Variants in ANKRD11 observed in about 807,000 individuals in gnomAD.
ANKRD11 encodes ankyrin repeat domain 11, also known as ankyrin repeat domain-containing protein 11.
In ANKRD11, 17 loss-of-function variants were observed where a neutral mutation model predicts 195.7. The ratio of observed to expected loss-of-function variants is 0.09; its 90% confidence interval spans 0.06 to 0.13. The LOEUF (loss-of-function observed/expected upper bound fraction) is 0.13. ANKRD11 is among the 10% of genes least tolerant of loss of function. The pLI is 1.00. For missense variants in ANKRD11, 3,735 were observed against 3,566.1 expected, an observed-to-expected ratio of 1.05 and a Z score of -1.21; for synonymous variants, 1,953 against 1,528.1, an observed-to-expected ratio of 1.28 and a Z score of -6.49.
intron 2 of ANKRD11, among the ~76,000 whole-genome samples, chr16:89,359,983 G>A (rs559949673): frequency 5.1e-4 from 78 of 152,110 alleles, no homozygotes; most frequent in African/African-American, 1.8e-3. Context: ...GGGGGAGGTT[G>A]TACGTGTTAT....
At chr16:89,465,773 C>T (rs2056859802) in intron 1 of ANKRD11, among the ~76,000 whole-genome samples, 1 of 152,128 alleles carries the variant, frequency 6.6e-6, no homozygotes, top group Non-Finnish European at 1.5e-5. Context: ...TGCAGTGACA[C>T]GATCTCAGCT....
intron 1 of ANKRD11, among the ~76,000 whole-genome samples, chr16:89,440,623 G>C (rs1055289911): frequency 3.3e-5 from 5 of 152,096 alleles, no homozygotes; most frequent in African/African-American, 1.2e-4. Context: ...CAAAAGGAGG[G>C]GGAGGAGGAG....
chr16:89,409,892 T>G (rs2042048582), intron 2 of ANKRD11, among the ~76,000 whole-genome samples: 1 of 150,458 alleles, frequency 6.6e-6, no homozygotes, highest in Non-Finnish European at 1.5e-5. Context: ...CAGGCTGGAG[T>G]GTAGTGGCAC....
chr16:89,335,014 G>A (rs1235711132), intron 2 of ANKRD11, among the ~76,000 whole-genome samples: 8 of 152,142 alleles, frequency 5.3e-5, no homozygotes, highest in African/African-American at 7.2e-5. Context: ...GAGCTCTATC[G>A]TATGTGCACC....
intron 3 of ANKRD11, 84 bp downstream of exon 3, chr16:89,316,849 G>A: frequency 1.3e-6 from 2 of 1,509,230 alleles, no homozygotes; most frequent in South Asian, 2.4e-5. Context: ...GCGGAGAACA[G>A]GCCACAGGCG....
intron 2 of ANKRD11, among the ~76,000 whole-genome samples, chr16:89,407,299 CG>C (rs1023401167): frequency 1.3e-5 from 2 of 151,190 alleles, no homozygotes; most frequent in Non-Finnish European, 2.9e-5. Context: ...ATAAGGAACA[CG>C]GGGGGAAAAA....
At chr16:89,479,282 A>C (rs2057360775) in intron 1 of ANKRD11, among the ~76,000 whole-genome samples, 1 of 152,040 alleles carries the variant, frequency 6.6e-6, no homozygotes, top group Non-Finnish European at 1.5e-5. Flanking sequence ...AAGGAAAAAA[A>C]AAACACTAAT....
intron 1 of ANKRD11, among the ~76,000 whole-genome samples, chr16:89,475,146 G>A (rs1258233597): frequency 1.3e-5 from 2 of 152,208 alleles, no homozygotes; most frequent in African/African-American, 4.8e-5. Context: ...AGAAAGGCTG[G>A]GGAGCTCTTG....
At chr16:89,428,415 G>A (rs183074942) in intron 1 of ANKRD11, among the ~76,000 whole-genome samples, 251 of 151,200 alleles carry the variant, frequency 1.7e-3, no homozygotes, top group African/African-American at 5.2e-3. Context: ...AGTCCCAGCT[G>A]CTGGGGAAGC....
Position 89,282,099 on chromosome 16 carries a change from C to G in ANKRD11, c.4443G>C (p.Ala1481=). 1 of 1,613,976 alleles carries G rather than the reference C, an allele frequency of 6.2e-7. No homozygotes were observed. The highest frequency in any genetic ancestry group is 8.5e-7 in the Non-Finnish European group (1 of 1,179,966). Residue 1481 remains alanine (A), a synonymous_variant, in exon 9 of 13, where the codon GCG becomes GCC. Coordinates refer to ENST00000301030, the MANE Select transcript of ANKRD11 (RefSeq NM_013275.6). ...DEKERHRDRH[A]DGLLRHHRDE... ...CCCTGTGATGCCGCAGCAGCCCATCCGCATGCCTGTCCCGGTGCCTCTCCT... is the reference window on the plus strand; with the variant it reads ...CCCTGTGATGCCGCAGCAGCCCATCGGCATGCCTGTCCCGGTGCCTCTCCT...
chr16:89,410,071 C>T (rs2042055532), intron 2 of ANKRD11, among the ~76,000 whole-genome samples: 1 of 152,164 alleles, frequency 6.6e-6, no homozygotes, highest in Non-Finnish European at 1.5e-5. Flanking sequence ...GATCTCCTGA[C>T]CTCGTGATCC....
intron 1 of ANKRD11, among the ~76,000 whole-genome samples, chr16:89,454,161 G>C (rs575926680): frequency 1.4e-4 from 22 of 152,084 alleles, no homozygotes; most frequent in African/African-American, 4.4e-4. Context: ...CCAACACAAC[G>C]ACAGCCGCGC....
At position 89,283,683 on chromosome 16, in the gene ANKRD11, G is replaced by A. The variant is rs771874534; in HGVS notation, c.2859C>T (p.Asp953=). 9.3e-5 allele frequency: 150 copies of A among 1,612,718 alleles called. No individual in the cohort carries two copies. Among genetic ancestry groups the A allele is most frequent in the Non-Finnish European group, 1.2e-4 (142 of 1,180,044 alleles). ...ESAEAGRDRK[D]ALESCKERRD... Reference sequence around the variant, plus strand: ...TGCGCTCCTTGCAGCTCTCCAGGGCGTCCTTTCTGTCCCGCCCGGCCTCTG... The same window carrying A: ...TGCGCTCCTTGCAGCTCTCCAGGGCATCCTTTCTGTCCCGCCCGGCCTCTG... Residue 953 remains aspartate, a synonymous_variant, in exon 9 of 13, where the codon GAC becomes GAT. Transcript: ENST00000301030. The surrounding 1 kb of genome is among the most constrained non-coding windows in gnomAD (Gnocchi z 4.3).
At chr16:89,368,391 T>TG (rs2040044957) in intron 2 of ANKRD11, among the ~76,000 whole-genome samples, 1 of 139,154 alleles carries the variant, frequency 7.2e-6, no homozygotes, top group African/African-American at 2.7e-5. Context: ...TTTTTTTTTT[T>TG]TTTTTTTTTT....
chr16:89,485,322 TTA>T (rs2057573344), intron 1 of ANKRD11, among the ~76,000 whole-genome samples: 1 of 141,526 alleles, frequency 7.1e-6, no homozygotes, highest in Non-Finnish European at 1.6e-5. Flanking sequence ...CATCTCTACT[TTA>T]AAAAAAAAAA....
intron 1 of ANKRD11, among the ~76,000 whole-genome samples, chr16:89,437,200 G>A (rs2043251348): frequency 6.6e-6 from 1 of 152,164 alleles, no homozygotes; most frequent in Non-Finnish European, 1.5e-5. Flanking sequence ...AATGGAGAAG[G>A]AACGTCCACT....
chr16:89,331,605 G>A (rs772166373), intron 2 of ANKRD11, among the ~76,000 whole-genome samples: 1 of 152,024 alleles, frequency 6.6e-6, no homozygotes, highest in Admixed American at 6.6e-5. Flanking sequence ...GGCACCCAGC[G>A]ATTCAGGAGA....
intron 2 of ANKRD11, among the ~76,000 whole-genome samples, chr16:89,355,900 C>A (rs1423484357): frequency 6.6e-6 from 1 of 152,260 alleles, no homozygotes; most frequent in South Asian, 2.1e-4. Flanking sequence ...GGTGCTCCCC[C>A]CAGCACAGCT....
At chr16:89,349,393 T>A (rs963538901) in intron 2 of ANKRD11, among the ~76,000 whole-genome samples, 30 of 151,798 alleles carry the variant, frequency 2.0e-4, no homozygotes, top group Admixed American at 7.2e-4. Context: ...GGCAGGAGAA[T>A]GGCGTGAACC....
Sources: gnomAD v4.1 joint callset for allele counts (sites outside exome capture counted in the v4.1 genomes callset) on GRCh38, gnomAD v4.1.1 for gene constraint, Gnocchi (gnomAD v3.1) non-coding constraint, MANE v1.5 for transcripts, NCBI Gene and HGNC (gene_info 2026-07-23, HGNC 2026-07-21) for gene names.